MFSD11: variants seen among roughly 807,000 people sequenced by gnomAD.
The protein encoded by MFSD11 is major facilitator superfamily domain containing 11.
Under a neutral mutation model 53.5 loss-of-function variants are expected in MFSD11, and 36 were observed. That is an observed-to-expected ratio of 0.67 (90% CI 0.52 to 0.89). The LOEUF (loss-of-function observed/expected upper bound fraction) is 0.89. Ranked by LOEUF, MFSD11 falls within the 40% of genes least tolerant of loss-of-function variation. The pLI, the probability that MFSD11 is intolerant of heterozygous loss-of-function variation, is 0.00. For missense variants in MFSD11, 530 were observed against 543.9 expected (o/e 0.97, Z 0.25); for synonymous variants, 186 against 184.9 (o/e 1.01, Z -0.05).
chr17:76,763,012 A>G (rs2080440783), intron 8 of MFSD11, among the ~76,000 whole-genome samples: 1 of 152,076 alleles, frequency 6.6e-6, no homozygotes, highest in Non-Finnish European at 1.5e-5. Flanking sequence ...TTTGCGTCTT[A>G]TAATTTTCCC....
At chr17:76,772,540 C>T (rs1241250540) in intron 10 of MFSD11, among the ~76,000 whole-genome samples, 1 of 136,304 alleles carries the variant, frequency 7.3e-6, no homozygotes, top group Admixed American at 7.6e-5. Flanking sequence ...TTTTTAAGGA[C>T]AGAGTCTTGC....
chr17:76,784,022 C>T (rs189065137), downstream of MFSD11, among the ~76,000 whole-genome samples: 1 of 151,516 alleles, frequency 6.6e-6, no homozygotes, highest in Admixed American at 6.6e-5. Context: ...AACCCTTGTG[C>T]ACTGTGTGTG....
chr17:76,743,389 T>C lies in MFSD11; in HGVS notation c.438-9T>C. ...ACCCAACATCCTATCCTCCCTTTTC[T>C]TCCCCCAGCTTGTTCTTTGGAAATC... On this transcript the variant is annotated splice_polypyrimidine_tract_variant and intron_variant, in intron 5 of 12. Transcript: ENST00000685175. 6.4e-7 allele frequency: 1 copy of C among 1,562,464 alleles called. No individual in the cohort carries two copies. Among genetic ancestry groups the C allele is most frequent in the Non-Finnish European group, 8.7e-7 (1 of 1,150,952 alleles).
chr17:76,762,003 A>G (rs1169964088), intron 8 of MFSD11, among the ~76,000 whole-genome samples: 1 of 152,038 alleles, frequency 6.6e-6, no homozygotes, highest in Non-Finnish European at 1.5e-5. Context: ...AGTACAATTT[A>G]TTATATTCAG....
chr17:76,744,552 C>T, intron 7 of MFSD11, 86 bp downstream of exon 7: 1 of 1,215,270 alleles, frequency 8.2e-7, no homozygotes, highest in Non-Finnish European at 1.1e-6. Context: ...TTAGCCCTAA[C>T]TGATGTCCAG....
chr17:76,789,276 A>C, the MFSD11 span, among the ~76,000 whole-genome samples: 4 of 150,212 alleles, frequency 2.7e-5, 1 homozygote, highest in African/African-American at 9.8e-5. Flanking sequence ...ATACATTGGC[A>C]TGGTTCCGGG....
the MFSD11 span, among the ~76,000 whole-genome samples, chr17:76,801,793 T>G: frequency 6.6e-6 from 1 of 152,096 alleles, no homozygotes; most frequent in East Asian, 1.9e-4. Flanking sequence ...TTGGCTGGCT[T>G]CTTTACTGCA....
At chr17:76,744,569 C>A (rs960231311) in intron 7 of MFSD11, 103 bp downstream of exon 7, 2 of 963,290 alleles carry the variant, frequency 2.1e-6, no homozygotes, top group Admixed American at 3.1e-5. Flanking sequence ...CCAGTACTCT[C>A]TGTAGGTTAC....
rs376608024 is a variant in MFSD11 at position 76,740,248 on chromosome 17, A to G, written c.153-709A>G. On this transcript the variant is annotated intron_variant, in intron 2 of 12. Transcript: ENST00000685175. The stretch of plus-strand genomic sequence containing the variant: ...GAGAGATTCATAAAAGCCAAAGAAT[A>G]ATTTACTTTGGATTTATGAATAGTA... Among the ~76,000 whole-genome samples, 74 of 152,184 alleles carry G rather than the reference A, an allele frequency of 4.9e-4. 1 individual carries two copies. The highest frequency in any genetic ancestry group is 2.8e-3 in the Admixed American group (43 of 15,266).
chr17:76,738,279 C>A lies in MFSD11; in HGVS notation c.-74C>A. On this transcript the variant is annotated 5_prime_UTR_variant, in exon 1 of 13. Transcript: ENST00000685175. ...CCACTCACCATCTCATTTCTTTCTC[C>A]AGGATTGTCAGTGGCTTCGCCCCGA... 1.0e-6 allele frequency: 1 copy of A among 954,526 alleles called. No homozygotes were observed. Among genetic ancestry groups the A allele is most frequent in the Non-Finnish European group, 1.7e-6 (1 of 596,532 alleles). The allele number at this position is 954,526 out of a possible 1,614,324, so 59.1% of individuals were successfully genotyped here.
chr17:76,755,783 TGTG>T (rs1598610377), intron 8 of MFSD11, among the ~76,000 whole-genome samples: 1 of 18,876 alleles, frequency 5.3e-5, no homozygotes, highest in Non-Finnish European at 2.8e-4. Context: ...TGTGTGTGTG[TGTG>T]TATACATATA....
intron 8 of MFSD11, among the ~76,000 whole-genome samples, chr17:76,765,452 C>CTTTTT (rs59878271): frequency 9.8e-5 from 9 of 91,498 alleles, no homozygotes; most frequent in African/African-American, 3.2e-4. Flanking sequence ...CTTGAATTTC[C>CTTTTT]TTTTTTTTTT....
chr17:76,752,746 C>T (rs1458897919), intron 7 of MFSD11, among the ~76,000 whole-genome samples: 14 of 152,022 alleles, frequency 9.2e-5, no homozygotes, highest in Admixed American at 7.2e-4. Flanking sequence ...TTGCAGGTTG[C>T]GACGAAGACC....
chr17:76,744,218 G>A (rs778074770), intron 6 of MFSD11, 104 bp from the exon 7 acceptor site: 38 of 1,102,296 alleles, frequency 3.4e-5, no homozygotes, highest in African/African-American at 8.2e-5. Flanking sequence ...AAGTAAAAAT[G>A]TAACGAGGAA....
chr17:76,748,742 AT>A (rs1226897459), intron 7 of MFSD11, among the ~76,000 whole-genome samples: 1 of 150,954 alleles, frequency 6.6e-6, no homozygotes, highest in East Asian at 1.9e-4. Flanking sequence ...CTGAGGACTT[AT>A]TAGCTGGGTG....
the MFSD11 span, among the ~76,000 whole-genome samples, chr17:76,797,042 G>A: frequency 7.9e-5 from 12 of 152,198 alleles, no homozygotes; most frequent in Admixed American, 3.3e-4. Flanking sequence ...GGTGGCAGGC[G>A]CCTGTAGTCC....
intron 2 of MFSD11, among the ~76,000 whole-genome samples, 197 bp from the exon 3 acceptor site, chr17:76,740,759 TG>T (rs2077994672): frequency 6.6e-6 from 1 of 152,158 alleles, no homozygotes; most frequent in African/African-American, 2.4e-5. Flanking sequence ...AAGGCACAGT[TG>T]GTGGGCTTCA....
At chr17:76,775,244 G>C in intron 11 of MFSD11, 73 bp downstream of exon 11, 1 of 1,423,078 alleles carries the variant, frequency 7.0e-7, no homozygotes, top group Non-Finnish European at 9.7e-7. Context: ...ACTGAAAGTG[G>C]AGCAGTTAAT....
chr17:76,776,639 A>C lies in MFSD11; in HGVS notation c.1185+98A>C. 1 of 1,166,370 alleles carries C rather than the reference A, an allele frequency of 8.6e-7. No homozygotes were observed. The highest frequency in any genetic ancestry group is 1.2e-6 in the Non-Finnish European group (1 of 863,802). 72.3% of individuals were successfully genotyped at this position (1,166,370 alleles called of 1,614,324 possible). ...TACTTGTATTGTGGTTTTAATTTTT[A>C]TTTATTTATTTTTATTTTTTTGATA... On this transcript the variant is annotated intron_variant, in intron 12 of 12. Transcript: ENST00000685175. This position sits in a 1 kb window ranked among gnomAD's most constrained non-coding sequence, Gnocchi z 4.2.
Sources: gnomAD v4.1 joint callset for allele counts (sites outside exome capture counted in the v4.1 genomes callset) on GRCh38, gnomAD v4.1.1 for gene constraint, Gnocchi (gnomAD v3.1) non-coding constraint, MANE v1.5 for transcripts, NCBI Gene and HGNC (gene_info 2026-07-23, HGNC 2026-07-21) for gene names.